RPS6KA2: variants seen among roughly 807,000 people sequenced by gnomAD.
RPS6KA2 encodes the protein ribosomal protein S6 kinase alpha-2.
Under a neutral mutation model 91.8 loss-of-function variants are expected in RPS6KA2, and 42 were observed. The ratio of observed to expected loss-of-function variants is 0.46; its 90% CI spans 0.36 to 0.59. RPS6KA2 has a LOEUF of 0.59. Ranked by LOEUF, RPS6KA2 falls within the 20% of genes least tolerant of loss-of-function variation. RPS6KA2 has a pLI of 0.00. For synonymous variants in RPS6KA2, 414 were observed against 393.6 expected (o/e 1.05, Z -0.61); for missense variants, 798 against 978.5 (o/e 0.82, Z 2.46).
At chr6:166,628,332 CAG>C (rs569406447), upstream of RPS6KA2, among the ~76,000 whole-genome samples, 2 of 152,190 alleles carry the variant, frequency 1.3e-5, no homozygotes, top group African/African-American at 4.8e-5. Flanking sequence ...TATTTAAAAA[CAG>C]GGAGAAACCG....
intron 13 of RPS6KA2, among the ~76,000 whole-genome samples, chr6:166,449,166 G>A (rs1779771707): frequency 6.6e-6 from 1 of 152,192 alleles, no homozygotes; most frequent in Non-Finnish European, 1.5e-5. Flanking sequence ...GGAAGTGCTG[G>A]CAGCTGCTGG....
At chr6:166,539,913 C>T (rs893416183) in intron 1 of RPS6KA2, among the ~76,000 whole-genome samples, 5 of 152,182 alleles carry the variant, frequency 3.3e-5, no homozygotes, top group African/African-American at 4.8e-5. Context: ...AGTTTTAGCT[C>T]GGGGTGAGGG....
intron 1 of RPS6KA2, among the ~76,000 whole-genome samples, chr6:166,618,418 C>T (rs959524128): frequency 1.3e-5 from 2 of 152,064 alleles, no homozygotes; most frequent in Non-Finnish European, 1.5e-5. Flanking sequence ...AAGCAGGAGG[C>T]CTGGGTGTGG....
At position 166,648,033 on chromosome 6, in the gene RPS6KA2, CAT is replaced by C. The variant is rs200316009; in HGVS notation, c.124-109251_124-109250del. ...ACATGCTTACACACATACATACACA[CAT>C]GCTCTCACACACATGCACATGCTCA... On this transcript the variant is annotated intron_variant, in intron 2 of 21. Transcript: ENST00000503859. This position sits in a 1 kb window ranked among gnomAD's most constrained non-coding sequence, Gnocchi z 4.8. 1.0e-2 allele frequency among the ~76,000 whole-genome samples: 1,437 copies of C among 144,324 alleles called. 41 individuals are homozygous for C. The highest frequency in any genetic ancestry group is 0.035 in the African/African-American group (1,328 of 37,596). The allele number at this position is 144,324 out of a possible 152,430, so 94.7% of individuals were successfully genotyped here.
intron 2 of RPS6KA2, among the ~76,000 whole-genome samples, chr6:166,686,228 G>A (rs1387140017): frequency 2.0e-5 from 3 of 152,154 alleles, no homozygotes; most frequent in Admixed American, 1.3e-4. Context: ...GAGTCAGGGT[G>A]CATATCGGGC....
At chr6:166,421,197 C>T (rs1778706922) in intron 17 of RPS6KA2, among the ~76,000 whole-genome samples, 1 of 152,140 alleles carries the variant, frequency 6.6e-6, no homozygotes, top group Non-Finnish European at 1.5e-5. Flanking sequence ...ATAGATTTTA[C>T]CCTGCCTACT....
At chr6:166,522,224 A>G (rs888809843) in intron 3 of RPS6KA2, among the ~76,000 whole-genome samples, 1 of 152,254 alleles carries the variant, frequency 6.6e-6, no homozygotes, top group East Asian at 1.9e-4. Context: ...GTGATAATAC[A>G]AAAGAAAATT....
chr6:166,475,041 A>G (rs1780914266), intron 10 of RPS6KA2, among the ~76,000 whole-genome samples: 1 of 151,718 alleles, frequency 6.6e-6, no homozygotes, highest in African/African-American at 2.4e-5. Flanking sequence ...GGATTTGCAA[A>G]TCACTCAGAG....
In RPS6KA2 at chr6:166,424,601, A is replaced by C. The variant is rs797016581; in HGVS notation, c.1582-1184T>G. Among the ~76,000 whole-genome samples, 20 of 152,240 alleles carry C rather than the reference A, an allele frequency of 1.3e-4. 1 individual carries two copies. The highest frequency in any genetic ancestry group is 4.8e-4 in the African/African-American group (20 of 41,552). ...GAGTGGGAGTCCAACCCCACTGGCC[A>C]CCTACTCATGTGTGACCTTGGCCAA... On this transcript the variant is annotated intron_variant, in intron 16 of 20. Transcript: ENST00000265678.
chr6:166,567,835 G>T (rs1163145334), intron 1 of RPS6KA2, among the ~76,000 whole-genome samples: 1 of 152,200 alleles, frequency 6.6e-6, no homozygotes, highest in Non-Finnish European at 1.5e-5. Flanking sequence ...TCTCTCCCCA[G>T]CGATCCGTGC....
chr6:166,636,694 C>G (rs1787251636), intron 2 of RPS6KA2, among the ~76,000 whole-genome samples: 1 of 152,196 alleles, frequency 6.6e-6, no homozygotes. Flanking sequence ...ACAGTAGGCA[C>G]TCCGTGGATA....
intron 2 of RPS6KA2, among the ~76,000 whole-genome samples, chr6:166,783,200 C>T (rs1778817017): frequency 6.6e-6 from 1 of 151,562 alleles, no homozygotes; most frequent in African/African-American, 2.4e-5. Context: ...GCAATCCTCC[C>T]GCCTCAGCCT....
chr6:166,850,335 A>T (rs948237433), intron 2 of RPS6KA2, among the ~76,000 whole-genome samples: 8 of 152,188 alleles, frequency 5.3e-5, no homozygotes, highest in African/African-American at 9.7e-5. Flanking sequence ...TCAATTAAAA[A>T]AAAAACCTAT....
At chr6:166,744,271 G>A (rs1790910094) in intron 2 of RPS6KA2, among the ~76,000 whole-genome samples, 1 of 152,142 alleles carries the variant, frequency 6.6e-6, no homozygotes, top group Non-Finnish European at 1.5e-5. Flanking sequence ...CTGGTGGCAG[G>A]GTCCCTGGCT....
intron 1 of RPS6KA2, among the ~76,000 whole-genome samples, chr6:166,860,374 CT>C (rs1269460507): frequency 6.6e-6 from 1 of 152,232 alleles, no homozygotes; most frequent in East Asian, 1.9e-4. Flanking sequence ...TCTCCTGGGG[CT>C]GGCAAGGCAG....
At chr6:166,812,213 G>A (rs1336985464) in intron 2 of RPS6KA2, among the ~76,000 whole-genome samples, 3 of 152,166 alleles carry the variant, frequency 2.0e-5, no homozygotes, top group Non-Finnish European at 2.9e-5. Context: ...AAAATTAGCC[G>A]GGAATGGTGG....
chr6:166,447,769 C>T (rs1423889728), intron 14 of RPS6KA2, among the ~76,000 whole-genome samples: 1 of 152,144 alleles, frequency 6.6e-6, no homozygotes, highest in Admixed American at 6.5e-5. Flanking sequence ...GGCAGATGTT[C>T]TTTGAAGGGC....
chr6:166,538,292 T>C (rs1167885086), intron 2 of RPS6KA2, among the ~76,000 whole-genome samples: 3 of 152,180 alleles, frequency 2.0e-5, no homozygotes, highest in Non-Finnish European at 4.4e-5. Flanking sequence ...TTTATTCTTT[T>C]TTTCCTTGTT....
intron 2 of RPS6KA2, among the ~76,000 whole-genome samples, chr6:166,810,513 C>A (rs1779602643): frequency 6.6e-6 from 1 of 152,110 alleles, no homozygotes; most frequent in Non-Finnish European, 1.5e-5. Context: ...TAACTCAATC[C>A]TATGCACTTG....
Sources: allele counts gnomAD v4.1 joint callset (sites outside exome capture counted in the v4.1 genomes callset), GRCh38; gene constraint gnomAD v4.1.1; non-coding constraint Gnocchi (gnomAD v3.1); transcripts MANE v1.5; gene names NCBI Gene and HGNC (gene_info 2026-07-23, HGNC 2026-07-21).